The following CACNA1I variants were observed in gnomAD, a reference collection of about 807,000 sequenced individuals.
CACNA1I encodes calcium voltage-gated channel subunit alpha1 I, also known as voltage-dependent T-type calcium channel subunit alpha-1I.
CACNA1I carries 74 observed loss-of-function variants against 201.6 expected under a neutral mutation model. The observed-to-expected ratio is 0.37, with a 90% CI of 0.30 to 0.45. The LOEUF (loss-of-function observed/expected upper bound fraction) is 0.45. Among genes scored for constraint, CACNA1I ranks in the 20% least tolerant of loss-of-function variants. The probability of loss-of-function intolerance (pLI) is 1.00; values close to 1 mark genes in which losing one functional copy is unlikely to be tolerated. For missense variants in CACNA1I, 2,346 were observed against 3,138.1 expected (o/e 0.75, Z 6.03); for synonymous variants, 1,431 against 1,345.2 (o/e 1.06, Z -1.40).
At chr22:39,653,139 C>T (rs1934700848) in intron 10 of CACNA1I, among the ~76,000 whole-genome samples, 1 of 108,778 alleles carries the variant, frequency 9.2e-6, no homozygotes, top group Admixed American at 7.9e-5. Flanking sequence ...CGGAGCCCCC[C>T]ACACAGTGGC....
intron 5 of CACNA1I, among the ~76,000 whole-genome samples, chr22:39,635,863 C>A (rs1341212671): frequency 6.6e-6 from 1 of 152,184 alleles, no homozygotes; most frequent in Non-Finnish European, 1.5e-5. Flanking sequence ...CTCCTAGAGG[C>A]CTTCCCTCGC....
chr22:39,575,293 C>T lies in CACNA1I; in HGVS notation c.236+4305C>T, dbSNP rs144833381. On this transcript the variant is annotated intron_variant, in intron 1 of 36. Transcript: ENST00000402142. ...CCATGGGTCAGTTTCTTAACATTTC[C>T]GAGCCCCAGTTTCCCCACCTGTCAA... is the stretch of plus-strand genomic sequence containing the variant. Among the ~76,000 whole-genome samples the T allele has an allele frequency of 5.9e-3, 900 of 152,306 alleles. 5 individuals are homozygous for T. The highest frequency in any genetic ancestry group is 9.7e-3 in the Non-Finnish European group (657 of 68,022).
At chr22:39,678,940 G>A (rs1671397388) in intron 31 of CACNA1I, among the ~76,000 whole-genome samples, 167 bp from the exon 32 acceptor site, 2 of 152,180 alleles carry the variant, frequency 1.3e-5, no homozygotes. Context: ...TGAAGCTGAG[G>A]CAGGCAGATG....
At chr22:39,594,068 C>T (rs1932852428) in intron 1 of CACNA1I, among the ~76,000 whole-genome samples, 1 of 152,126 alleles carries the variant, frequency 6.6e-6, no homozygotes, top group African/African-American at 2.4e-5. Flanking sequence ...TGGGCAGAGA[C>T]AGGCCGTACT....
chr22:39,685,957 T>C lies in CACNA1I; in HGVS notation c.6224T>C (p.Phe2075Ser). Residue 2075 changes from phenylalanine to serine, a missense_variant, in exon 37 of 37, where the codon TTC becomes TCC. This residue lies in a region of CACNA1I where 441 missense variants were observed against 555.6 expected (regional missense o/e 0.79). Coordinates refer to ENST00000402142, the MANE Select transcript of CACNA1I (RefSeq NM_021096.4). This position sits in a 1 kb window ranked among gnomAD's most constrained non-coding sequence, Gnocchi z 5.0. ...CTGAGCCTGCGCGGCCGGGGCCTCT[T>C]CAGCCTGCGGGGGCTGCGGGCGCAT... is the stretch of plus-strand genomic sequence containing the variant. Reference protein sequence around the residue: ...RRLSLRGRGLFSLRGLRAHQR... With the variant: ...RRLSLRGRGLSSLRGLRAHQR... The C allele has an allele frequency of 7.9e-7, 1 of 1,266,214 alleles. No homozygotes were observed. The highest frequency in any genetic ancestry group is 9.9e-7 in the Non-Finnish European group (1 of 1,014,212). 78.4% of individuals were successfully genotyped at this position (1,266,214 alleles called of 1,614,324 possible). A position where few individuals can be genotyped will look rare whatever the true frequency, so the allele number is the denominator to read the frequency against.
chr22:39,617,609 C>T (rs1467122123), intron 3 of CACNA1I, among the ~76,000 whole-genome samples: 5 of 152,142 alleles, frequency 3.3e-5, no homozygotes, highest in Non-Finnish European at 7.4e-5. Context: ...CCCTCCATCA[C>T]ACGTGTCTCC....
At chr22:39,626,014 C>T (rs988356776) in intron 4 of CACNA1I, among the ~76,000 whole-genome samples, 3 of 152,196 alleles carry the variant, frequency 2.0e-5, no homozygotes, top group Non-Finnish European at 2.9e-5. Flanking sequence ...GGCGCAGGGG[C>T]GAGGCAGACC....
At chr22:39,583,134 C>CTCCATCCATCCATCCA (rs59596152) in intron 1 of CACNA1I, among the ~76,000 whole-genome samples, 180 of 136,362 alleles carry the variant, frequency 1.3e-3, no homozygotes, top group Middle Eastern at 9.3e-3. Flanking sequence ...GCATCCATCT[C>CTCCATCCATCCATCCA]TCCATCCATC....
intron 7 of CACNA1I, among the ~76,000 whole-genome samples, chr22:39,644,791 G>A (rs773286762): frequency 5.9e-5 from 9 of 151,982 alleles, no homozygotes; most frequent in African/African-American, 1.5e-4. Flanking sequence ...GGGCTCAAGC[G>A]ATCATCCCCC....
At chr22:39,660,487 G>A in intron 15 of CACNA1I, 50 bp downstream of exon 15, 2 of 1,346,086 alleles carry the variant, frequency 1.5e-6, no homozygotes, top group South Asian at 2.5e-5. Flanking sequence ...CTTCTCCACA[G>A]ATCCAGGTGG....
chr22:39,685,266 G>C lies in CACNA1I; in HGVS notation c.6028-495G>C, dbSNP rs1235011843. On this transcript the variant is annotated intron_variant, in intron 36 of 36. Transcript: ENST00000402142. The surrounding 1 kb of genome is among the most constrained non-coding windows in gnomAD (Gnocchi z 5.0). ...GGACAGGCAGGGAGAACAGCTCCTG[G>C]GGAGGGGCTGCAGGTGGGGGGCCCC... The C allele has an allele frequency of 6.4e-6, 1 of 155,838 alleles. No individual in the cohort carries two copies. Among genetic ancestry groups the C allele is most frequent in the Non-Finnish European group, 1.4e-5 (1 of 70,996 alleles). The allele number at this position is 155,838 out of a possible 1,614,324, so 9.7% of individuals were successfully genotyped here.
intron 3 of CACNA1I, among the ~76,000 whole-genome samples, chr22:39,617,987 C>A (rs1837640356): frequency 6.6e-6 from 1 of 151,458 alleles, no homozygotes; most frequent in South Asian, 2.1e-4. Context: ...TAGGAGTGTG[C>A]ATGTATGAGG....
rs1934592536 is a variant in CACNA1I, at chr22:39,649,678, C to T, written c.1745C>T (p.Ser582Phe). Residue 582 changes from serine (S) to phenylalanine (F), a missense_variant, in exon 10 of 37, where the codon TCC becomes TTC. By Grantham distance (155) the Ser-to-Phe change is radical. Around this residue, in one of 13 missense-constraint regions of CACNA1I, gnomAD observed 312 missense variants for 331.5 expected, o/e 0.94. Coordinates refer to ENST00000402142, the MANE Select transcript of CACNA1I (RefSeq NM_021096.4). This position sits in a 1 kb window ranked among gnomAD's most constrained non-coding sequence, Gnocchi z 7.3. ...CAGGAGGGCTCGGGCTCCGGGAGCT[C>T]CGCTGGTGGCGAGGACGAGGCGGAT... ...SGQEGSGSGS[S>F]AGGEDEADGD... 1 of 1,514,630 alleles carries T rather than the reference C, an allele frequency of 6.6e-7. No homozygotes were observed. Among genetic ancestry groups the T allele is most frequent in the Admixed American group, 2.0e-5 (1 of 48,878 alleles). 93.8% of individuals were successfully genotyped at this position (1,514,630 alleles called of 1,614,324 possible).
In CACNA1I at chr22:39,677,313, C is replaced by A. The variant is rs762138915; in HGVS notation, c.4855-28C>A. ...GTGCGCCCCCACCCGCTCCCCAGCC[C>A]CACCCGGCCTCACCTGTCCTCCCGC... On this transcript the variant is annotated intron_variant, in intron 29 of 36. Transcript: ENST00000402142. The surrounding 1 kb of genome is among the most constrained non-coding windows in gnomAD (Gnocchi z 4.8). The A allele has an allele frequency of 5.9e-6, 9 of 1,536,908 alleles. No individual in the cohort carries two copies. Among genetic ancestry groups the A allele is most frequent in the Non-Finnish European group, 7.9e-6 (9 of 1,135,226 alleles).
At chr22:39,630,624 C>T (rs866108453) in intron 4 of CACNA1I, among the ~76,000 whole-genome samples, 8 of 152,316 alleles carry the variant, frequency 5.3e-5, no homozygotes, top group Middle Eastern at 3.4e-3. Flanking sequence ...TGGTTTCCAG[C>T]GGGGAGGAGG....
chr22:39,675,199 T>C (rs1935482780), intron 29 of CACNA1I, among the ~76,000 whole-genome samples: 1 of 152,198 alleles, frequency 6.6e-6, no homozygotes, highest in Non-Finnish European at 1.5e-5. Context: ...GAAATGAGGA[T>C]GGTGGTGAAG....
intron 5 of CACNA1I, among the ~76,000 whole-genome samples, chr22:39,639,786 C>G (rs941567028): frequency 6.6e-6 from 1 of 152,214 alleles, no homozygotes; most frequent in Non-Finnish European, 1.5e-5. Context: ...CTCCTTTGTA[C>G]ATGGGTTTGT....
At chr22:39,577,153 G>A (rs928057328) in intron 1 of CACNA1I, among the ~76,000 whole-genome samples, 3 of 152,094 alleles carry the variant, frequency 2.0e-5, no homozygotes, top group African/African-American at 7.2e-5. Context: ...GGTTTCACCA[G>A]CCTCCTGAGT....
At chr22:39,614,117 G>A (rs886311411) in intron 3 of CACNA1I, among the ~76,000 whole-genome samples, 3 of 152,136 alleles carry the variant, frequency 2.0e-5, no homozygotes, top group African/African-American at 7.2e-5. Flanking sequence ...CAAAGTACTG[G>A]GCTTACAGGC....
Sources: allele counts gnomAD v4.1 joint callset (sites outside exome capture counted in the v4.1 genomes callset), GRCh38; gene constraint gnomAD v4.1.1; regional missense constraint gnomAD v4.1.1; non-coding constraint Gnocchi (gnomAD v3.1); transcripts MANE v1.5; gene names NCBI Gene and HGNC (gene_info 2026-07-23, HGNC 2026-07-21).